The following RAB31 variants were observed in gnomAD, a reference collection of about 807,000 sequenced individuals.
The protein encoded by RAB31 is ras-related protein Rab-31.
A neutral mutation model predicts 25.6 loss-of-function variants in RAB31; 21 were observed. The ratio of observed to expected loss-of-function variants is 0.82; its 90% CI spans 0.58 to 1.18. The LOEUF (loss-of-function observed/expected upper bound fraction) is 1.18. RAB31 is among the 50% of genes most tolerant of loss of function. The pLI, the probability that RAB31 is intolerant of heterozygous loss-of-function variation, is 0.00. For synonymous variants in RAB31, 87 were observed against 84.0 expected, an observed-to-expected ratio of 1.04 and a Z score of -0.20; for missense variants, 196 against 250.1, an observed-to-expected ratio of 0.78 and a Z score of 1.46.
At chr18:9,821,025 A>G (rs1409928302) in intron 5 of RAB31, among the ~76,000 whole-genome samples, 1 of 151,938 alleles carries the variant, frequency 6.6e-6, no homozygotes, top group Non-Finnish European at 1.5e-5. Context: ...ATAGTTATAA[A>G]TTTTCCTGTA....
At chr18:9,822,167 C>A (rs2068627395) in intron 5 of RAB31, among the ~76,000 whole-genome samples, 1 of 152,100 alleles carries the variant, frequency 6.6e-6, no homozygotes, top group Non-Finnish European at 1.5e-5. Flanking sequence ...CACAAATATG[C>A]TCAATTGATT....
intron 5 of RAB31, 30 bp downstream of exon 5, chr18:9,815,252 G>T (rs1331872804): frequency 1.4e-6 from 2 of 1,443,774 alleles, no homozygotes; most frequent in Non-Finnish European, 1.9e-6. Flanking sequence ...CTTTTGTGTA[G>T]ATACTGTCCT....
chr18:9,828,830 C>T (rs1273591009), intron 5 of RAB31, among the ~76,000 whole-genome samples: 1 of 152,144 alleles, frequency 6.6e-6, no homozygotes, highest in African/African-American at 2.4e-5. Context: ...CATCAAAAGG[C>T]CTGAAAAATC....
chr18:9,753,397 T>C (rs2068245099), intron 1 of RAB31, among the ~76,000 whole-genome samples: 1 of 152,134 alleles, frequency 6.6e-6, no homozygotes. Flanking sequence ...AGCTAACTCA[T>C]CCCCTTTGCC....
chr18:9,752,411 G>T (rs1285968693), intron 1 of RAB31, among the ~76,000 whole-genome samples: 1 of 152,052 alleles, frequency 6.6e-6, no homozygotes, highest in Non-Finnish European at 1.5e-5. Context: ...TTTTAGTAGG[G>T]ACGAGGTTTA....
chr18:9,716,016 A>T (rs1391087791), intron 1 of RAB31, among the ~76,000 whole-genome samples: 1 of 152,204 alleles, frequency 6.6e-6, no homozygotes, highest in Non-Finnish European at 1.5e-5. Flanking sequence ...CAGGGTATCA[A>T]ACATATGGTC....
At chr18:9,790,509 T>C (rs933985183) in intron 2 of RAB31, among the ~76,000 whole-genome samples, 3 of 152,174 alleles carry the variant, frequency 2.0e-5, no homozygotes, top group Non-Finnish European at 4.4e-5. Context: ...GGGCTAGGAT[T>C]ACAGAAAAAA....
chr18:9,783,972 T>G (rs1332233019), intron 2 of RAB31, among the ~76,000 whole-genome samples: 5 of 152,218 alleles, frequency 3.3e-5, no homozygotes, highest in Admixed American at 6.5e-5. Context: ...CCAACTAAGT[T>G]TGGCACATGT....
chr18:9,812,003 G>T (rs1190859617), intron 3 of RAB31, among the ~76,000 whole-genome samples: 1 of 152,202 alleles, frequency 6.6e-6, no homozygotes, highest in Non-Finnish European at 1.5e-5. Context: ...TCAAGGTGCT[G>T]GCAGATTCAG....
intron 2 of RAB31, chr18:9,787,425 GA>G (rs2068439057): frequency 6.3e-6 from 1 of 158,754 alleles, no homozygotes; most frequent in Non-Finnish European, 1.4e-5. Context: ...ATACTGGAGA[GA>G]AACTCTACAA....
chr18:9,786,107 T>C (rs1037333925), intron 2 of RAB31, among the ~76,000 whole-genome samples: 1 of 147,888 alleles, frequency 6.8e-6, no homozygotes, highest in African/African-American at 2.5e-5. Context: ...AGAATGCCTA[T>C]GTAATGAAGC....
At chr18:9,811,219 T>G (rs2068568809) in intron 3 of RAB31, among the ~76,000 whole-genome samples, 1 of 152,248 alleles carries the variant, frequency 6.6e-6, no homozygotes, top group Non-Finnish European at 1.5e-5. Context: ...TGGTTCACCC[T>G]GAGCTTCGTC....
intron 3 of RAB31, among the ~76,000 whole-genome samples, chr18:9,807,671 CT>C (rs2068548883): frequency 6.6e-6 from 1 of 152,084 alleles, no homozygotes; most frequent in East Asian, 1.9e-4. Flanking sequence ...ATTACATTGT[CT>C]TTTAAAAAAA....
At chr18:9,807,795 G>A (rs2068549755) in intron 3 of RAB31, among the ~76,000 whole-genome samples, 3 of 151,980 alleles carry the variant, frequency 2.0e-5, no homozygotes, top group Non-Finnish European at 2.9e-5. Flanking sequence ...GCAACATAGC[G>A]TGAACTTGTC....
intron 1 of RAB31, among the ~76,000 whole-genome samples, chr18:9,773,896 A>G (rs2068358481): frequency 6.6e-6 from 1 of 152,086 alleles, no homozygotes; most frequent in South Asian, 2.1e-4. Flanking sequence ...CCTGGCCTCA[A>G]GTGTTCATCC....
intron 6 of RAB31, among the ~76,000 whole-genome samples, chr18:9,850,477 C>G (rs2068783724): frequency 6.6e-6 from 1 of 152,052 alleles, no homozygotes; most frequent in Admixed American, 6.6e-5. Flanking sequence ...AGTATTTTAA[C>G]TTTTCCTGAG....
chr18:9,754,303 G>A (rs1960787936), intron 1 of RAB31, among the ~76,000 whole-genome samples: 1 of 151,776 alleles, frequency 6.6e-6, no homozygotes, highest in South Asian at 2.1e-4. Context: ...TTTTTGAGAT[G>A]GAGTCTCACT....
At chr18:9,834,971 GTTGTAAACAAGTTAA>G (rs2068696846) in intron 5 of RAB31, among the ~76,000 whole-genome samples, 1 of 152,172 alleles carries the variant, frequency 6.6e-6, no homozygotes, top group Admixed American at 6.5e-5. Flanking sequence ...TAGGAAGTGG[GTTGTAAACAAGTTAA>G]TTATTATCAC....
intron 1 of RAB31, among the ~76,000 whole-genome samples, chr18:9,762,899 A>G (rs10153347): frequency 0.22 from 33,520 of 151,986 alleles, 4,082 homozygotes; most frequent in African/African-American, 0.34. Context: ...GAACTCAGCA[A>G]CAGGAGTTTC....
Sources: gnomAD v4.1 joint callset for allele counts (sites outside exome capture counted in the v4.1 genomes callset) on GRCh38, gnomAD v4.1.1 for gene constraint, MANE v1.5 for transcripts, NCBI Gene and HGNC (gene_info 2026-07-23, HGNC 2026-07-21) for gene names.